The following PALS1 variants were observed in gnomAD, a reference collection of about 807,000 sequenced individuals.
PALS1 encodes protein PALS1.
A neutral mutation model predicts 78.9 loss-of-function variants in PALS1; 31 were observed. That is an observed-to-expected ratio of 0.39 (90% confidence interval 0.30 to 0.53). The LOEUF is 0.53. PALS1 is among the 20% of genes least tolerant of loss of function. PALS1 has a pLI of 0.67. For missense variants in PALS1, 704 were observed against 826.5 expected, an observed-to-expected ratio of 0.85 and a Z score of 1.82; for synonymous variants, 276 against 270.9, an observed-to-expected ratio of 1.02 and a Z score of -0.18.
At chr14:67,307,172 C>A (rs2085017411) in intron 8 of PALS1, among the ~76,000 whole-genome samples, 1 of 152,122 alleles carries the variant, frequency 6.6e-6, no homozygotes, top group African/African-American at 2.4e-5. Context: ...TATTTCACTT[C>A]CTGAGTAACT....
chr14:67,291,241 T>A (rs1008410409), intron 3 of PALS1, among the ~76,000 whole-genome samples: 1 of 151,840 alleles, frequency 6.6e-6, no homozygotes, highest in Non-Finnish European at 1.5e-5. Flanking sequence ...GTGCTTTTTT[T>A]TTTTTGAGAT....
intron 10 of PALS1, 133 bp downstream of exon 10, chr14:67,317,036 C>G: frequency 1.6e-6 from 1 of 644,712 alleles, no homozygotes. Flanking sequence ...CTGATTATCT[C>G]AGAACTGTAA....
rs1450236409 is a variant in PALS1 at position 67,333,765 on chromosome 14, GTA to G, written c.*811_*812del. 2 of 152,496 alleles carry G rather than the reference GTA, an allele frequency of 1.3e-5. No homozygotes were observed. The highest frequency in any genetic ancestry group is 4.8e-5 in the African/African-American group (2 of 41,422). 9.4% of individuals were successfully genotyped at this position (152,496 alleles called of 1,614,324 possible). On this transcript the variant is annotated 3_prime_UTR_variant, in exon 15 of 15. Coordinates refer to ENST00000261681, the MANE Select transcript of PALS1 (RefSeq NM_022474.4). Reference sequence around the variant, plus strand: ...CCTCATCAGCATAGTATAATAGAATGTATGTTACATTTTTATGAATGGCAGGT... The same window carrying G: ...CCTCATCAGCATAGTATAATAGAATGTGTTACATTTTTATGAATGGCAGGT...
intron 3 of PALS1, among the ~76,000 whole-genome samples, chr14:67,290,686 C>T (rs2084757921): frequency 6.6e-6 from 1 of 152,134 alleles, no homozygotes; most frequent in Non-Finnish European, 1.5e-5. Flanking sequence ...GCGTGAGCCA[C>T]TGTGCCTAGA....
chr14:67,283,830 C>T lies in PALS1; in HGVS notation c.367+4293C>T, dbSNP rs1449134857. 4.6e-5 allele frequency among the ~76,000 whole-genome samples: 7 copies of T among 152,164 alleles called. No homozygotes were observed. The South Asian group carries it at 8.3e-4, about 18-fold the overall frequency. On this transcript the variant is annotated intron_variant, in intron 3 of 14. Coordinates refer to ENST00000261681, the MANE Select transcript of PALS1 (RefSeq NM_022474.4). The stretch of plus-strand genomic sequence containing the variant: ...ACATCATTCAGTCTTTGACACAATA[C>T]GTTGAAACTTCATTCCACTTATTAA...
chr14:67,285,964 C>G (rs1396665991), intron 3 of PALS1, among the ~76,000 whole-genome samples: 1 of 152,152 alleles, frequency 6.6e-6, no homozygotes, highest in Admixed American at 6.5e-5. Flanking sequence ...AATATATTCT[C>G]TCTTTTAAAT....
chr14:67,301,392 C>G lies in PALS1; in HGVS notation c.580C>G (p.Gln194Glu). 1 of 1,604,602 alleles carries G rather than the reference C, an allele frequency of 6.2e-7. No homozygotes were observed. The highest frequency in any genetic ancestry group is 8.5e-7 in the Non-Finnish European group (1 of 1,174,164). ...SNAQDLAQEV[Q>E]TVLKPVHHKE... ...AATCTTTATTTTTGTTTCTTAGGTA[C>G]AAACTGTTTTGAAGCCAGTTCATCA... Residue 194 changes from glutamine (Q) to glutamate (E), a missense_variant, in exon 5 of 15, where the codon CAA (glutamine) becomes GAA (glutamate). Coordinates refer to ENST00000261681, the MANE Select transcript of PALS1 (RefSeq NM_022474.4).
intron 2 of PALS1, among the ~76,000 whole-genome samples, chr14:67,274,866 T>A (rs1156878501): frequency 1.3e-5 from 2 of 152,196 alleles, no homozygotes; most frequent in Non-Finnish European, 2.9e-5. Context: ...TCCTAGGTAT[T>A]TTATTCTCTT....
At position 67,302,048 on chromosome 14, in the gene PALS1, A is replaced by G. The variant is rs1194370866; in HGVS notation, c.731A>G (p.Glu244Gly). The change falls in exon 6 of 15, where the codon GAA becomes GGA. Residue 244 changes from glutamate to glycine, a missense_variant. Physicochemically the swap from Glu to Gly is moderately conservative, Grantham distance 98. Coordinates refer to ENST00000261681, the MANE Select transcript of PALS1 (RefSeq NM_022474.4). ...CCCATTACAGATGAGAGAGTTTATG[A>G]AAGTATTGGCCAGTATGGAGGAGAA... The part of the protein sequence containing the change: ...LEPITDERVY[E>G]SIGQYGGETV... The G allele has an allele frequency of 2.5e-6, 4 of 1,610,354 alleles. No individual in the cohort carries two copies. Among genetic ancestry groups the G allele is most frequent in the Non-Finnish European group, 2.5e-6 (3 of 1,178,284 alleles).
At chr14:67,314,223 A>G (rs900675517) in intron 9 of PALS1, among the ~76,000 whole-genome samples, 2 of 152,242 alleles carry the variant, frequency 1.3e-5, no homozygotes, top group Admixed American at 6.5e-5. Context: ...AGACTGAGAA[A>G]TATTGACTAT....
chr14:67,326,281 C>CCCAGACTA (rs1398383497), intron 14 of PALS1, among the ~76,000 whole-genome samples: 1 of 99,582 alleles, frequency 1.0e-5, no homozygotes, highest in African/African-American at 4.0e-5. Context: ...CTATATGTCA[C>CCCAGACTA]CCAGACTAGA....
chr14:67,276,325 G>A (rs2084504564), intron 2 of PALS1, among the ~76,000 whole-genome samples: 1 of 152,120 alleles, frequency 6.6e-6, no homozygotes, highest in South Asian at 2.1e-4. Flanking sequence ...TTCTGAAAGT[G>A]CCATTCTGTC....
At position 67,279,404 on chromosome 14, in the gene PALS1, A is replaced by T; in HGVS notation, c.234A>T (p.Glu78Asp). The T allele has an allele frequency of 6.2e-7, 1 of 1,614,004 alleles. No individual in the cohort carries two copies. The highest frequency in any genetic ancestry group is 2.2e-5 in the East Asian group (1 of 44,880). ...RRREEEGKKQ[E>D]LDLNSSMRLK... Reference sequence around the variant, plus strand: ...GAGAGGAAGAAGGGAAAAAGCAAGAACTTGACCTTAATTCTTCCATGAGAC... The same window carrying T: ...GAGAGGAAGAAGGGAAAAAGCAAGATCTTGACCTTAATTCTTCCATGAGAC... The change falls in exon 3 of 15, where the codon GAA becomes GAT. Residue 78 changes from glutamate to aspartate, a missense_variant. Transcript: ENST00000261681.
At chr14:67,270,548 C>G (rs1443818037) in intron 2 of PALS1, 1 of 149,058 alleles carries the variant, frequency 6.7e-6, no homozygotes, top group African/African-American at 2.5e-5. Flanking sequence ...AGGTAATTCT[C>G]TAGTTCAGTC....
intron 14 of PALS1, among the ~76,000 whole-genome samples, chr14:67,327,750 T>G (rs571812436): frequency 6.6e-6 from 1 of 152,198 alleles, no homozygotes; most frequent in African/African-American, 2.4e-5. Flanking sequence ...TTTGGTTTTC[T>G]GTCCTTGTGA....
intron 11 of PALS1, 75 bp downstream of exon 11, chr14:67,317,554 T>G: frequency 1.1e-6 from 1 of 915,738 alleles, no homozygotes; most frequent in Non-Finnish European, 1.7e-6. Context: ...TGCACCTTAA[T>G]GTTAAATATG....
At chr14:67,256,860 T>C (rs925040313) in intron 1 of PALS1, among the ~76,000 whole-genome samples, 1 of 151,772 alleles carries the variant, frequency 6.6e-6, no homozygotes, top group African/African-American at 2.4e-5. Flanking sequence ...TTTGAATGTA[T>C]ACATTAAAAA....
intron 8 of PALS1, among the ~76,000 whole-genome samples, chr14:67,308,597 G>A (rs2085044978): frequency 6.8e-6 from 1 of 146,950 alleles, no homozygotes; most frequent in Non-Finnish European, 1.5e-5. Context: ...CCAGGCTGGA[G>A]TGCAATGGTG....
At chr14:67,278,292 T>TCCC (rs1327023711) in intron 2 of PALS1, among the ~76,000 whole-genome samples, 2 of 151,628 alleles carry the variant, frequency 1.3e-5, no homozygotes, top group Non-Finnish European at 2.9e-5. Context: ...TTCCTTGGCC[T>TCCC]CCCAAAGTGC....
Sources: gnomAD v4.1 joint callset for allele counts (sites outside exome capture counted in the v4.1 genomes callset) on GRCh38, gnomAD v4.1.1 for gene constraint, MANE v1.5 for transcripts, NCBI Gene and HGNC (gene_info 2026-07-23, HGNC 2026-07-21) for gene names.